Variants in TDRD7 observed in about 807,000 individuals in gnomAD.
The protein encoded by TDRD7 is tudor domain containing 7.
TDRD7 carries 47 observed loss-of-function variants against 109.8 expected under a neutral mutation model. That is an observed-to-expected ratio of 0.43 (90% CI 0.34 to 0.55). The LOEUF is 0.55. TDRD7 is among the 20% of genes least tolerant of loss of function. TDRD7 has a pLI of 0.03. For missense variants in TDRD7, 1,164 were observed against 1,319.2 expected (o/e 0.88, Z 1.82); for synonymous variants, 424 against 457.3 (o/e 0.93, Z 0.93).
At chr9:97,480,591 T>C (rs1226123486) in intron 13 of TDRD7, 2 of 505,682 alleles carry the variant, frequency 4.0e-6, no homozygotes, top group Non-Finnish European at 7.3e-6. Context: ...GTGGGAAGTA[T>C]ATGGAGTGCT....
At chr9:97,429,705 C>G (rs1450683289) in intron 2 of TDRD7, among the ~76,000 whole-genome samples, 4 of 152,208 alleles carry the variant, frequency 2.6e-5, no homozygotes, top group Non-Finnish European at 5.9e-5. Context: ...TGTCTACTTG[C>G]ACCTTGTAAT....
chr9:97,441,706 C>T lies in TDRD7; in HGVS notation c.686C>T (p.Ser229Phe). The change falls in exon 6 of 17, where the codon TCT (serine) becomes TTT (phenylalanine). Residue 229 changes from serine to phenylalanine, a missense_variant. Physicochemically the swap from Ser to Phe is radical, Grantham distance 155. Transcript: ENST00000355295. ...VEKPNVKPPA[S>F]YTYKMDEVQN... ...AAACCCAATGTCAAGCCTCCTGCCT[C>T]TTACACTTATAAAATGGATGAGGTT... 1 of 1,613,386 alleles carries T rather than the reference C, an allele frequency of 6.2e-7. No homozygotes were observed. Among genetic ancestry groups the T allele is most frequent in the Non-Finnish European group, 8.5e-7 (1 of 1,179,894 alleles).
intron 11 of TDRD7, among the ~76,000 whole-genome samples, chr9:97,474,983 A>T (rs1366139940): frequency 6.6e-6 from 1 of 152,164 alleles, no homozygotes; most frequent in African/African-American, 2.4e-5. Context: ...TTTGCATCTA[A>T]ATGTGAAGAG....
chr9:97,491,706 C>T (rs1829311837), intron 16 of TDRD7, among the ~76,000 whole-genome samples: 1 of 152,156 alleles, frequency 6.6e-6, no homozygotes, highest in Admixed American at 6.5e-5. Flanking sequence ...TATTTCCCTT[C>T]CCCCAGGAAG....
rs183136059 is a variant in TDRD7, at chr9:97,460,564, A to G, written c.1242A>G (p.Gln414=). Residue 414 remains glutamine (Q), a synonymous_variant, in exon 7 of 17, where the codon CAA becomes CAG. Coordinates refer to ENST00000355295, the MANE Select transcript of TDRD7 (RefSeq NM_014290.3). The stretch of plus-strand genomic sequence containing the variant: ...TTCCATTGCCCACTGACAAAATCCA[A>G]AAGGATGCAGGGCAAGCACATGGTG... ...AKLPLPTDKI[Q]KDAGQAHGDN... 1.0e-4 allele frequency: 169 copies of G among 1,614,220 alleles called. 2 individuals are homozygous for G. In the Middle Eastern group the frequency reaches 2.5e-3, roughly 24 times the overall value.
intron 6 of TDRD7, among the ~76,000 whole-genome samples, chr9:97,459,210 G>A (rs980437913): frequency 4.6e-5 from 7 of 152,148 alleles, no homozygotes; most frequent in African/African-American, 1.7e-4. Flanking sequence ...GTCCATCACA[G>A]TTATTCAACT....
intron 15 of TDRD7, among the ~76,000 whole-genome samples, chr9:97,485,588 A>G (rs1829197620): frequency 6.6e-6 from 1 of 152,202 alleles, no homozygotes; most frequent in Non-Finnish European, 1.5e-5. Context: ...ACCTACACCG[A>G]AAGTGTTTCC....
chr9:97,414,710 T>A (rs1314959910), intron 1 of TDRD7, among the ~76,000 whole-genome samples: 1 of 152,178 alleles, frequency 6.6e-6, no homozygotes, highest in African/African-American at 2.4e-5. Context: ...GATAACTCCC[T>A]GAAAAAAACT....
intron 5 of TDRD7, among the ~76,000 whole-genome samples, chr9:97,439,982 G>C (rs1240771590): frequency 6.6e-6 from 1 of 152,048 alleles, no homozygotes; most frequent in East Asian, 1.9e-4. Flanking sequence ...TATAGTGTGT[G>C]AAATGTAAAT....
At chr9:97,458,335 G>A (rs777504900) in intron 6 of TDRD7, among the ~76,000 whole-genome samples, 2 of 152,138 alleles carry the variant, frequency 1.3e-5, no homozygotes, top group African/African-American at 4.8e-5. Flanking sequence ...CATTGGCTCC[G>A]AAAGTGTGCG....
intron 6 of TDRD7, among the ~76,000 whole-genome samples, chr9:97,454,090 T>C (rs1489352960): frequency 6.6e-6 from 1 of 152,208 alleles, no homozygotes; most frequent in East Asian, 1.9e-4. Flanking sequence ...CAACAGAATA[T>C]ACATTCTTCA....
In TDRD7 at chr9:97,464,845, T is replaced by C. The variant is rs1247488049; in HGVS notation, c.1446T>C (p.Tyr482=). ...TCTCTTCTTTTAACTGATTCAGGTA[T>C]GTGGGCAAAGACTATTCTGCTGCTC... The part of the protein sequence containing the change: ...LSNTNEVVIR[Y]VGKDYSAAQE... Residue 482 remains tyrosine, a synonymous_variant, in exon 8 of 17, where the codon TAT becomes TAC. Transcript: ENST00000355295. 6.2e-7 allele frequency: 1 copy of C among 1,614,068 alleles called. No individual in the cohort carries two copies. The highest frequency in any genetic ancestry group is 8.5e-7 in the Non-Finnish European group (1 of 1,180,008).
At chr9:97,418,416 C>T (rs1827845227) in intron 1 of TDRD7, among the ~76,000 whole-genome samples, 1 of 152,008 alleles carries the variant, frequency 6.6e-6, no homozygotes, top group South Asian at 2.1e-4. Context: ...GGAGAAGACA[C>T]ATTTAAAGAG....
At chr9:97,461,366 G>T (rs779098909) in intron 7 of TDRD7, among the ~76,000 whole-genome samples, 2 of 152,110 alleles carry the variant, frequency 1.3e-5, no homozygotes, top group African/African-American at 2.4e-5. Flanking sequence ...AAAGGCAAGT[G>T]CCCTACACAC....
chr9:97,414,528 A>T (rs1231965454), intron 1 of TDRD7, among the ~76,000 whole-genome samples: 1 of 152,226 alleles, frequency 6.6e-6, no homozygotes, highest in Non-Finnish European at 1.5e-5. Flanking sequence ...TGTCACAGGT[A>T]ATCAGTAGCG....
intron 2 of TDRD7, among the ~76,000 whole-genome samples, chr9:97,429,657 A>G (rs901110791): frequency 2.0e-5 from 3 of 152,234 alleles, no homozygotes; most frequent in African/African-American, 7.2e-5. Flanking sequence ...ATGCTTTGGC[A>G]TCCCTGATCG....
intron 14 of TDRD7, among the ~76,000 whole-genome samples, chr9:97,482,337 G>A (rs1024144676): frequency 2.0e-5 from 3 of 152,180 alleles, no homozygotes; most frequent in Admixed American, 6.5e-5. Context: ...TGAAAGAGGG[G>A]TGCTTACAGA....
intron 16 of TDRD7, among the ~76,000 whole-genome samples, chr9:97,491,411 C>T (rs1025212613): frequency 2.9e-4 from 44 of 152,232 alleles, no homozygotes; most frequent in African/African-American, 1.1e-3. Context: ...CTGATGCTTG[C>T]TCAGTCTCTT....
rs114192152 is a variant in TDRD7 at position 97,412,948 on chromosome 9, A to G, written c.-7+710A>G. Among the ~76,000 whole-genome samples, 603 of 152,240 alleles carry G rather than the reference A, an allele frequency of 4.0e-3. 6 individuals are homozygous for G. Among genetic ancestry groups the G allele is most frequent in the African/African-American group, 0.014 (571 of 41,548 alleles). On this transcript the variant is annotated intron_variant, in intron 1 of 16. Coordinates refer to ENST00000355295, the MANE Select transcript of TDRD7 (RefSeq NM_014290.3). The surrounding 1 kb of genome is among the most constrained non-coding windows in gnomAD (Gnocchi z 4.3). ...GGAGCCGGCATATCTTTCTGCTCCC[A>G]TTCACTTGAGAGGTATATTTCCATT...
Sources: allele counts gnomAD v4.1 joint callset (sites outside exome capture counted in the v4.1 genomes callset), GRCh38; gene constraint gnomAD v4.1.1; non-coding constraint Gnocchi (gnomAD v3.1); transcripts MANE v1.5; gene names NCBI Gene and HGNC (gene_info 2026-07-23, HGNC 2026-07-21).